Variants in ANAPC10 observed in about 807,000 individuals in gnomAD.
The protein encoded by ANAPC10 is anaphase-promoting complex subunit 10.
Under a neutral mutation model 22.0 loss-of-function variants are expected in ANAPC10, and 12 were observed. That is an observed-to-expected ratio of 0.55 (90% CI 0.35 to 0.88). The LOEUF is 0.88. Among genes scored for constraint, ANAPC10 ranks in the 40% least tolerant of loss-of-function variants. ANAPC10 has a pLI of 0.01. For missense variants in ANAPC10, 188 were observed against 220.9 expected, an observed-to-expected ratio of 0.85 and a Z score of 0.94; for synonymous variants, 65 against 69.5, an observed-to-expected ratio of 0.94 and a Z score of 0.32.
chr4:145,015,826 C>T (rs1735033180), intron 4 of ANAPC10, among the ~76,000 whole-genome samples: 1 of 152,098 alleles, frequency 6.6e-6, no homozygotes, highest in South Asian at 2.1e-4. Context: ...ATTTTGTATC[C>T]AGTGAAACTA....
At chr4:145,084,912 T>C (rs921911891) in intron 2 of ANAPC10, among the ~76,000 whole-genome samples, 3 of 152,210 alleles carry the variant, frequency 2.0e-5, no homozygotes, top group Admixed American at 1.3e-4. Flanking sequence ...TTAGCCCTTT[T>C]AAACGTAGCT....
intron 2 of ANAPC10, among the ~76,000 whole-genome samples, chr4:145,092,775 C>T (rs1359858343): frequency 6.6e-6 from 1 of 152,132 alleles, no homozygotes; most frequent in Non-Finnish European, 1.5e-5. Context: ...ACCCTTCTCT[C>T]CCATAGAGGA....
intron 4 of ANAPC10, among the ~76,000 whole-genome samples, chr4:145,014,107 T>C (rs1249719125): frequency 6.6e-6 from 1 of 152,016 alleles, no homozygotes; most frequent in Non-Finnish European, 1.5e-5. Context: ...AGAGCCCAAA[T>C]CCAGCATCCA....
intron 2 of ANAPC10, among the ~76,000 whole-genome samples, chr4:145,083,009 T>C (rs529511826): frequency 7.2e-4 from 109 of 150,978 alleles, no homozygotes; most frequent in African/African-American, 2.2e-3. Context: ...CAAGCAGTCA[T>C]ATATGTATTC....
At chr4:145,045,990 T>A (rs199615804) in intron 4 of ANAPC10, among the ~76,000 whole-genome samples, 1 of 152,132 alleles carries the variant, frequency 6.6e-6, no homozygotes, top group East Asian at 1.9e-4. Flanking sequence ...CTTTATAAAT[T>A]TTCAAACATA....
intron 4 of ANAPC10, among the ~76,000 whole-genome samples, chr4:145,030,427 G>C (rs1315766817): frequency 6.6e-6 from 1 of 152,188 alleles, no homozygotes; most frequent in African/African-American, 2.4e-5. Context: ...CTGCACTGGG[G>C]AAAGGGAAAT....
chr4:144,996,282 A>G (rs1012042033), intron 4 of ANAPC10, among the ~76,000 whole-genome samples: 1 of 152,208 alleles, frequency 6.6e-6, no homozygotes, highest in Non-Finnish European at 1.5e-5. Flanking sequence ...TAAGCTGTCT[A>G]CAGACTGTAA....
At chr4:145,032,156 T>C (rs1438501389) in intron 4 of ANAPC10, among the ~76,000 whole-genome samples, 1 of 152,336 alleles carries the variant, frequency 6.6e-6, no homozygotes. Context: ...GGTTCACAGA[T>C]GGTTCTGCAT....
chr4:145,020,850 T>TA (rs1185247473), intron 4 of ANAPC10, among the ~76,000 whole-genome samples: 1 of 141,626 alleles, frequency 7.1e-6, no homozygotes, highest in Non-Finnish European at 1.6e-5. Flanking sequence ...AAAAAAAAAA[T>TA]AAAAAAGACA....
intron 4 of ANAPC10, among the ~76,000 whole-genome samples, chr4:145,011,650 T>C (rs550386536): frequency 3.7e-4 from 56 of 152,256 alleles, no homozygotes; most frequent in Non-Finnish European, 7.6e-4. Flanking sequence ...TAGAGAGTTG[T>C]TTCTTGAAGT....
intron 4 of ANAPC10, among the ~76,000 whole-genome samples, chr4:145,059,313 A>G (rs1321188297): frequency 3.9e-5 from 6 of 152,138 alleles, no homozygotes; most frequent in Non-Finnish European, 8.8e-5. Context: ...ATGGACTCAC[A>G]TGGTTGTGCT....
chr4:145,069,977 GTTAA>G (rs892409027), intron 3 of ANAPC10, among the ~76,000 whole-genome samples: 65 of 152,162 alleles, frequency 4.3e-4, no homozygotes, highest in African/African-American at 1.5e-3. Flanking sequence ...CACATAATAG[GTTAA>G]TTATTGTTTA....
In ANAPC10 at chr4:144,999,810, C is replaced by T. The variant is rs144441333; in HGVS notation, c.328-4207G>A. 2.0e-4 allele frequency among the ~76,000 whole-genome samples: 31 copies of T among 152,126 alleles called. No homozygotes were observed. In the East Asian group the frequency reaches 4.2e-3, roughly 21 times the overall value. ...CTACCTCACTTCAAACTATACTACA[C>T]GGCTACAGTAACCTAAACAGCATGG... On this transcript the variant is annotated intron_variant, in intron 4 of 4. Coordinates refer to ENST00000507656, the MANE Select transcript of ANAPC10 (RefSeq NM_001256706.2).
At chr4:145,075,446 C>T (rs924107345) in intron 3 of ANAPC10, among the ~76,000 whole-genome samples, 1 of 151,548 alleles carries the variant, frequency 6.6e-6, no homozygotes, top group Non-Finnish European at 1.5e-5. Flanking sequence ...GCCAAGATGG[C>T]CAACTAGATG....
intron 4 of ANAPC10, among the ~76,000 whole-genome samples, chr4:145,019,650 A>T (rs1333664505): frequency 6.6e-6 from 1 of 152,174 alleles, no homozygotes; most frequent in Non-Finnish European, 1.5e-5. Context: ...ATGAAACAAA[A>T]AGCTGCTTGT....
At chr4:145,090,573 T>C (rs1447071314) in intron 2 of ANAPC10, among the ~76,000 whole-genome samples, 1 of 152,228 alleles carries the variant, frequency 6.6e-6, no homozygotes, top group African/African-American at 2.4e-5. Flanking sequence ...TATTGTGTAA[T>C]GGAGTCTGTC....
At chr4:145,019,645 A>T (rs1234777132) in intron 4 of ANAPC10, among the ~76,000 whole-genome samples, 2 of 152,150 alleles carry the variant, frequency 1.3e-5, no homozygotes, top group Non-Finnish European at 2.9e-5. Context: ...GATAAATGAA[A>T]CAAAAAGCTG....
intron 4 of ANAPC10, among the ~76,000 whole-genome samples, chr4:145,000,013 A>T (rs968630857): frequency 2.6e-5 from 4 of 152,242 alleles, no homozygotes; most frequent in African/African-American, 9.6e-5. Context: ...GAGAAAGCTG[A>T]AACTGGATCC....
At chr4:145,084,887 T>G (rs756463964) in intron 2 of ANAPC10, among the ~76,000 whole-genome samples, 4 of 152,208 alleles carry the variant, frequency 2.6e-5, no homozygotes, top group Non-Finnish European at 4.4e-5. Context: ...TTATTACAAT[T>G]AATTTCACCT....
Sources: allele counts gnomAD v4.1 joint callset (sites outside exome capture counted in the v4.1 genomes callset), GRCh38; gene constraint gnomAD v4.1.1; transcripts MANE v1.5; gene names NCBI Gene and HGNC (gene_info 2026-07-23, HGNC 2026-07-21).